Variants in SRBD1 observed in about 807,000 individuals in gnomAD.
The protein encoded by SRBD1 is S1 RNA-binding domain-containing protein 1.
In SRBD1, 88 loss-of-function variants were observed where a neutral mutation model predicts 115.3. That is an observed-to-expected ratio of 0.76 (90% CI 0.64 to 0.91). The LOEUF (loss-of-function observed/expected upper bound fraction) is 0.91, where lower values mean the gene tolerates loss of function less well. Among genes scored for constraint, SRBD1 ranks in the 40% least tolerant of loss-of-function variants. The pLI is 0.00. For missense variants in SRBD1, 1,385 were observed against 1,177.4 expected (o/e 1.18, Z -2.58); for synonymous variants, 509 against 407.7 (o/e 1.25, Z -2.99).
intron 16 of SRBD1, among the ~76,000 whole-genome samples, chr2:45,474,252 G>A (rs73925676): frequency 0.048 from 7,228 of 152,040 alleles, 535 homozygotes; most frequent in African/African-American, 0.16. Flanking sequence ...ATTAAGTTTG[G>A]TGCCTCATTT....
At chr2:45,552,897 A>G (rs181335303) in intron 11 of SRBD1, among the ~76,000 whole-genome samples, 2 of 152,330 alleles carry the variant, frequency 1.3e-5, no homozygotes, top group African/African-American at 2.4e-5. Context: ...ATAGGCTGCT[A>G]AAAATTCTAG....
intron 16 of SRBD1, among the ~76,000 whole-genome samples, chr2:45,448,372 T>A (rs376537915): frequency 6.6e-6 from 1 of 152,192 alleles, no homozygotes; most frequent in Non-Finnish European, 1.5e-5. Flanking sequence ...AAAAACATTA[T>A]GATCACCATG....
chr2:45,389,588 G>T lies in SRBD1; in HGVS notation c.2710C>A (p.Pro904Thr), dbSNP rs757847600. 6.2e-7 allele frequency: 1 copy of T among 1,611,832 alleles called. No homozygotes were observed. The highest frequency in any genetic ancestry group is 8.5e-7 in the Non-Finnish European group (1 of 1,179,044). Residue 904 changes from proline (P) to threonine (T), a missense_variant, in exon 21 of 21, where the codon CCT becomes ACT. Physicochemically the swap from Pro to Thr is conservative, Grantham distance 38 (BLOSUM62 -1). Transcript: ENST00000263736. ...CATACTATGCTTCTCTTGAAATCAGGTTTATCAAAATCTGTAAGAGAAAAA... is the reference window on the plus strand; with the variant it reads ...CATACTATGCTTCTCTTGAAATCAGTTTTATCAAAATCTGTAAGAGAAAAA... Reference protein sequence around the residue: ...SFDFRTDFDKPDFKRSIVCLE... With the variant: ...SFDFRTDFDKTDFKRSIVCLE...
chr2:45,599,804 A>G lies in SRBD1; in HGVS notation c.293T>C (p.Leu98Ser), dbSNP rs372586440. 2 of 1,613,510 alleles carry G rather than the reference A, an allele frequency of 1.2e-6. No individual in the cohort carries two copies. The highest frequency in any genetic ancestry group is 2.7e-5 in the African/African-American group (2 of 74,838). Residue 98 changes from leucine (L) to serine (S), a missense_variant, in exon 4 of 21, where the codon TTA (leucine) becomes TCA (serine). Leu to Ser is a moderately radical substitution (Grantham distance 145). Transcript: ENST00000263736. ...NSSVAIADTALEDRKNKLDTV... is the reference protein window; with the variant it reads ...NSSVAIADTASEDRKNKLDTV... Reference sequence around the variant, plus strand: ...ATCCAATTTATTTTTTCTGTCTTCTAAAGCAGTATCAGCAATAGCCACAGA... The same window carrying G: ...ATCCAATTTATTTTTTCTGTCTTCTGAAGCAGTATCAGCAATAGCCACAGA...
At chr2:45,609,495 T>C (rs540106495) in intron 1 of SRBD1, among the ~76,000 whole-genome samples, 3 of 152,330 alleles carry the variant, frequency 2.0e-5, no homozygotes, top group Non-Finnish European at 4.4e-5. Context: ...GAATATGCTT[T>C]AGAAACAACG....
At chr2:45,582,139 A>G (rs1316723591) in intron 5 of SRBD1, among the ~76,000 whole-genome samples, 1 of 152,218 alleles carries the variant, frequency 6.6e-6, no homozygotes, top group East Asian at 1.9e-4. Flanking sequence ...TATGGGTTAC[A>G]TGTAGTTGGC....
chr2:45,573,451 G>T, intron 8 of SRBD1, 109 bp from the exon 9 acceptor site: 1 of 1,315,486 alleles, frequency 7.6e-7, no homozygotes, highest in Non-Finnish European at 1.0e-6. Context: ...TACCAAGTGA[G>T]TTTTTTTAAT....
At chr2:45,562,385 C>A (rs1420297480) in intron 10 of SRBD1, among the ~76,000 whole-genome samples, 1 of 152,048 alleles carries the variant, frequency 6.6e-6, no homozygotes, top group Admixed American at 6.6e-5. Flanking sequence ...CACCACCATG[C>A]CCAGCTAATT....
chr2:45,406,911 A>G (rs1005380129), intron 19 of SRBD1, among the ~76,000 whole-genome samples: 10 of 152,150 alleles, frequency 6.6e-5, no homozygotes, highest in Admixed American at 2.0e-4. Flanking sequence ...ATGTAACACA[A>G]GCCCTGTTAC....
chr2:45,548,792 A>T (rs2104041953), intron 12 of SRBD1, among the ~76,000 whole-genome samples: 2 of 152,250 alleles, frequency 1.3e-5, no homozygotes, highest in Middle Eastern at 3.4e-3. Context: ...AACTAGGATA[A>T]CAAAAACAAA....
intron 18 of SRBD1, among the ~76,000 whole-genome samples, chr2:45,414,566 CACAT>C (rs1349053856): frequency 3.3e-5 from 5 of 149,304 alleles, no homozygotes; most frequent in East Asian, 2.0e-4. Context: ...TGTGTGTACA[CACAT>C]AGTGTGTATA....
At chr2:45,547,714 GT>G in intron 12 of SRBD1, 102 bp from the exon 13 acceptor site, 1 of 904,788 alleles carries the variant, frequency 1.1e-6, no homozygotes, top group Non-Finnish European at 1.7e-6. Context: ...AGACTGGCTT[GT>G]TTTTTATAAT....
At chr2:45,505,439 G>T (rs1362986398) in intron 14 of SRBD1, among the ~76,000 whole-genome samples, 1 of 152,138 alleles carries the variant, frequency 6.6e-6, no homozygotes, top group Non-Finnish European at 1.5e-5. Context: ...TAGCTGCCCA[G>T]AGAAACATCC....
In SRBD1 at chr2:45,601,104, T is replaced by A. The variant is rs141487199; in HGVS notation, c.261+799A>T. 2.0e-3 allele frequency among the ~76,000 whole-genome samples: 308 copies of A among 152,284 alleles called. 1 individual carries two copies. Among genetic ancestry groups the A allele is most frequent in the Non-Finnish European group, 3.7e-3 (252 of 68,026 alleles). On this transcript the variant is annotated intron_variant, in intron 3 of 20. Coordinates refer to ENST00000263736, the MANE Select transcript of SRBD1 (RefSeq NM_018079.5). ...TTGACATATCTAAAGAAAGTGTCAA[T>A]CATAAAGGGTGTTGTCAGCCACTGT... is the stretch of plus-strand genomic sequence containing the variant.
chr2:45,485,484 T>C (rs1451437300), intron 15 of SRBD1, among the ~76,000 whole-genome samples: 3 of 152,100 alleles, frequency 2.0e-5, no homozygotes, highest in Non-Finnish European at 2.9e-5. Context: ...GAATAAAACA[T>C]ACACTCAATC....
chr2:45,424,521 G>A (rs1490263429), intron 16 of SRBD1, among the ~76,000 whole-genome samples: 4 of 151,918 alleles, frequency 2.6e-5, no homozygotes, highest in Non-Finnish European at 5.9e-5. Context: ...TATACATTAA[G>A]TTAAATCTGT....
chr2:45,516,215 A>G (rs1466598402), intron 14 of SRBD1, among the ~76,000 whole-genome samples: 1 of 152,244 alleles, frequency 6.6e-6, no homozygotes, highest in Non-Finnish European at 1.5e-5. Flanking sequence ...AGGGGACAAA[A>G]TAGACATTCC....
At chr2:45,500,124 G>T (rs12712943) in intron 14 of SRBD1, among the ~76,000 whole-genome samples, 119,627 of 152,088 alleles carry the variant, frequency 0.79, 48,116 homozygotes, top group African/African-American at 0.89. Context: ...TCCCAATCTA[G>T]GAGCATGGAA....
chr2:45,445,550 TAAAAAAAAAAAAAAAAAA>T (rs59451865), intron 16 of SRBD1, among the ~76,000 whole-genome samples: 9 of 37,026 alleles, frequency 2.4e-4, no homozygotes, highest in Non-Finnish European at 3.7e-4. Context: ...TTCCCAGAGG[TAAAAAAAAAAAAAAAAAA>T]AAAAAAAAAA....
Sources: gnomAD v4.1 joint callset for allele counts (sites outside exome capture counted in the v4.1 genomes callset) on GRCh38, gnomAD v4.1.1 for gene constraint, MANE v1.5 for transcripts, NCBI Gene and HGNC (gene_info 2026-07-23, HGNC 2026-07-21) for gene names.